ITGA11: variants seen among roughly 807,000 people sequenced by gnomAD.
The protein encoded by ITGA11 is integrin alpha-11.
In ITGA11, 97 loss-of-function variants were observed where a neutral mutation model predicts 141.9. The observed-to-expected ratio is 0.68, with a 90% CI of 0.58 to 0.81. The LOEUF (loss-of-function observed/expected upper bound fraction) is 0.81. Ranked by LOEUF, ITGA11 falls within the 30% of genes least tolerant of loss-of-function variation. ITGA11 has a pLI of 0.00. For missense variants in ITGA11, 1,387 were observed against 1,559.2 expected, an observed-to-expected ratio of 0.89 and a Z score of 1.86; for synonymous variants, 658 against 624.6, an observed-to-expected ratio of 1.05 and a Z score of -0.80.
chr15:68,311,668 C>T (rs1240520756), intron 24 of ITGA11, among the ~76,000 whole-genome samples: 2 of 152,184 alleles, frequency 1.3e-5, no homozygotes, highest in South Asian at 2.1e-4. Flanking sequence ...ATCCTGAGGC[C>T]GGAGAGCAGG....
intron 1 of ITGA11, among the ~76,000 whole-genome samples, chr15:68,417,813 C>T (rs1896922559): frequency 6.6e-6 from 1 of 152,206 alleles, no homozygotes; most frequent in African/African-American, 2.4e-5. Context: ...TTCTCAACCT[C>T]CAGTTTTAAC....
intron 1 of ITGA11, among the ~76,000 whole-genome samples, chr15:68,409,948 T>C (rs1301561672): frequency 6.6e-6 from 1 of 152,156 alleles, no homozygotes; most frequent in African/African-American, 2.4e-5. Context: ...CCGTCGTCAG[T>C]CACTTGAATC....
chr15:68,419,045 C>T (rs748030963), intron 1 of ITGA11, among the ~76,000 whole-genome samples: 12 of 152,080 alleles, frequency 7.9e-5, no homozygotes, highest in Non-Finnish European at 4.4e-5. Flanking sequence ...TGTGGGGGCC[C>T]TTCCCTTCTA....
chr15:68,381,850 C>A (rs1189944273), intron 2 of ITGA11, among the ~76,000 whole-genome samples: 1 of 152,168 alleles, frequency 6.6e-6, no homozygotes, highest in African/African-American at 2.4e-5. Context: ...GCCACCGCAC[C>A]CAGCTACATT....
intron 20 of ITGA11, among the ~76,000 whole-genome samples, chr15:68,317,871 G>C (rs1893648002): frequency 6.6e-6 from 1 of 152,156 alleles, no homozygotes; most frequent in Non-Finnish European, 1.5e-5. Context: ...GCACCCGTGT[G>C]GATGTGAGCA....
chr15:68,334,255 C>T (rs183170274), intron 12 of ITGA11, among the ~76,000 whole-genome samples: 20 of 152,352 alleles, frequency 1.3e-4, no homozygotes, highest in African/African-American at 4.6e-4. Flanking sequence ...GCGCCCTGTT[C>T]GTGGACAAGC....
At chr15:68,338,967 G>A (rs1483494361) in intron 11 of ITGA11, among the ~76,000 whole-genome samples, 1 of 152,218 alleles carries the variant, frequency 6.6e-6, no homozygotes, top group East Asian at 1.9e-4. Context: ...GAGCTGGAAG[G>A]TGACTTTGGC....
At chr15:68,356,111 T>A (rs9672395) in intron 7 of ITGA11, among the ~76,000 whole-genome samples, 5 of 105,372 alleles carry the variant, frequency 4.7e-5, no homozygotes, top group Non-Finnish European at 5.0e-5. Flanking sequence ...ATTTTATTTT[T>A]TTGAGACGGA....
chr15:68,353,110 C>T (rs954447500), intron 7 of ITGA11, among the ~76,000 whole-genome samples: 6 of 152,224 alleles, frequency 3.9e-5, no homozygotes, highest in African/African-American at 7.2e-5. Flanking sequence ...AAGAGCCACA[C>T]GGCTTTGGTA....
Position 68,299,934 on chromosome 15 carries a change from C to T in ITGA11, c.*3125G>A, listed in dbSNP as rs1892990972. 1 of 152,152 alleles carries T rather than the reference C, an allele frequency of 6.6e-6. No individual in the cohort carries two copies. The highest frequency in any genetic ancestry group is 2.4e-5 in the African/African-American group (1 of 41,432). The allele number at this position is 152,152 out of a possible 1,614,324, so 9.4% of individuals were successfully genotyped here. The stretch of plus-strand genomic sequence containing the variant: ...ACCTGTCATGTCAAGAAACCATCAC[C>T]TTCCTTAACAAAAGTAAAACCCAGA... On this transcript the variant is annotated 3_prime_UTR_variant, in exon 30 of 30. Coordinates refer to ENST00000315757, the MANE Select transcript of ITGA11 (RefSeq NM_001004439.2).
chr15:68,349,479 A>G (rs3784348), intron 9 of ITGA11, among the ~76,000 whole-genome samples: 144,255 of 152,242 alleles, frequency 0.95, 68,469 homozygotes, highest in Middle Eastern at 0.98. Context: ...CAAGGCGACC[A>G]TTTTGAGGAG....
intron 23 of ITGA11, 102 bp from the exon 24 acceptor site, chr15:68,312,965 C>A: frequency 1.3e-6 from 1 of 773,440 alleles, no homozygotes; most frequent in Non-Finnish European, 2.2e-6. Context: ...TCCCCCGGGC[C>A]ACGAAAAACA....
intron 2 of ITGA11, among the ~76,000 whole-genome samples, chr15:68,372,504 G>A (rs1414730886): frequency 6.6e-6 from 1 of 152,242 alleles, no homozygotes; most frequent in Non-Finnish European, 1.5e-5. Flanking sequence ...GTCACTGGCT[G>A]CGGGCTCCCA....
intron 22 of ITGA11, among the ~76,000 whole-genome samples, chr15:68,314,358 C>T (rs1230799566): frequency 6.6e-6 from 1 of 152,168 alleles, no homozygotes; most frequent in Non-Finnish European, 1.5e-5. Context: ...ACTCTGCTGC[C>T]ACAAGAAGGC....
chr15:68,301,489 G>A lies in ITGA11; in HGVS notation c.*1570C>T, dbSNP rs1567118019. ...GCCATAGATGGAAGGGTGATCTTGGGAGAGGGAGCGCTCCACCACTGGAGA... is the reference window on the plus strand; with the variant it reads ...GCCATAGATGGAAGGGTGATCTTGGAAGAGGGAGCGCTCCACCACTGGAGA... On this transcript the variant is annotated 3_prime_UTR_variant, in exon 30 of 30. Transcript: ENST00000315757. The surrounding 1 kb of genome is among the most constrained non-coding windows in gnomAD (Gnocchi z 4.4). 2.0e-5 allele frequency: 3 copies of A among 152,414 alleles called. No individual in the cohort carries two copies. The highest frequency in any genetic ancestry group is 1.3e-4 in the Admixed American group (2 of 15,302). The allele number at this position is 152,414 out of a possible 1,614,324, so 9.4% of individuals were successfully genotyped here.
At chr15:68,347,587 C>T (rs553147568) in intron 10 of ITGA11, among the ~76,000 whole-genome samples, 3 of 152,276 alleles carry the variant, frequency 2.0e-5, no homozygotes, top group East Asian at 3.9e-4. Flanking sequence ...CTGCATGTCA[C>T]GCACATGTCC....
At chr15:68,314,281 T>A (rs1233731384) in intron 22 of ITGA11, among the ~76,000 whole-genome samples, 1 of 152,106 alleles carries the variant, frequency 6.6e-6, no homozygotes, top group Non-Finnish European at 1.5e-5. Context: ...TGGTGAGGAA[T>A]TCACAGTAGA....
intron 2 of ITGA11, among the ~76,000 whole-genome samples, chr15:68,384,266 A>AG (rs1162949216): frequency 6.8e-6 from 1 of 146,962 alleles, no homozygotes; most frequent in Middle Eastern, 3.3e-3. Flanking sequence ...TTTGGCATTA[A>AG]AAAAAAAAAA....
In ITGA11 at chr15:68,317,271, C is replaced by A; in HGVS notation, c.2709G>T (p.Lys903Asn). Reference protein sequence around the residue: ...CNVSYPFFRAKAKVAFRLDFE... With the variant: ...CNVSYPFFRANAKVAFRLDFE... ...CATTGTCCCCAGTCTCAACCTTGGC[C>A]TTGGCCCGGAAGAAGGGATAGCTGA... is the stretch of plus-strand genomic sequence containing the variant. Residue 903 changes from lysine to asparagine, a missense_variant, in exon 21 of 30, where the codon AAG becomes AAT. Physicochemically the swap from Lys to Asn is moderately conservative, Grantham distance 94. Coordinates refer to ENST00000315757, the MANE Select transcript of ITGA11 (RefSeq NM_001004439.2). The A allele has an allele frequency of 6.2e-7, 1 of 1,613,168 alleles. No individual in the cohort carries two copies. The highest frequency in any genetic ancestry group is 1.1e-5 in the South Asian group (1 of 91,058).
Sources: gnomAD v4.1 joint callset for allele counts (sites outside exome capture counted in the v4.1 genomes callset) on GRCh38, gnomAD v4.1.1 for gene constraint, Gnocchi (gnomAD v3.1) non-coding constraint, MANE v1.5 for transcripts, NCBI Gene and HGNC (gene_info 2026-07-23, HGNC 2026-07-21) for gene names.